Variants in CDH10 observed in about 807,000 individuals in gnomAD.
The protein encoded by CDH10 is cadherin 10.
CDH10 carries 30 observed loss-of-function variants against 73.1 expected under a neutral mutation model. The ratio of observed to expected loss-of-function variants is 0.41; its 90% CI spans 0.31 to 0.56. The LOEUF (loss-of-function observed/expected upper bound fraction) is 0.56, where lower values mean the gene tolerates loss of function less well. CDH10 is among the 20% of genes least tolerant of loss of function. CDH10 has a pLI of 0.27. For missense variants in CDH10, 815 were observed against 973.7 expected (o/e 0.84, Z 2.17); for synonymous variants, 345 against 348.2 (o/e 0.99, Z 0.10).
At chr5:24,494,176 A>T (rs1191650559) in intron 9 of CDH10, among the ~76,000 whole-genome samples, 1 of 151,950 alleles carries the variant, frequency 6.6e-6, no homozygotes, top group African/African-American at 2.4e-5. Context: ...TAGCAACATA[A>T]TTATTTGACT....
chr5:24,607,329 GA>G (rs1325441583), intron 1 of CDH10, among the ~76,000 whole-genome samples: 2 of 152,086 alleles, frequency 1.3e-5, no homozygotes, highest in Non-Finnish European at 2.9e-5. Context: ...CTCTCAAAGG[GA>G]TTTAGACTTA....
intron 5 of CDH10, among the ~76,000 whole-genome samples, chr5:24,521,390 C>G (rs1411617336): frequency 1.3e-5 from 2 of 152,032 alleles, no homozygotes; most frequent in Admixed American, 1.3e-4. Context: ...ACTAAAAATG[C>G]AAAATTAGCC....
At chr5:24,535,459 C>T (rs1418580695) in intron 4 of CDH10, among the ~76,000 whole-genome samples, 180 bp from the exon 5 acceptor site, 1 of 151,994 alleles carries the variant, frequency 6.6e-6, no homozygotes, top group African/African-American at 2.4e-5. Flanking sequence ...TATTGTGTTA[C>T]CCTTTCCTAG....
At chr5:24,534,263 C>T (rs888504931) in intron 5 of CDH10, among the ~76,000 whole-genome samples, 1 of 151,972 alleles carries the variant, frequency 6.6e-6, no homozygotes, top group Non-Finnish European at 1.5e-5. Flanking sequence ...TAATATTCAG[C>T]ATATACTGGA....
At chr5:24,573,131 A>C (rs1579827136) in intron 2 of CDH10, among the ~76,000 whole-genome samples, 1 of 151,910 alleles carries the variant, frequency 6.6e-6, no homozygotes, top group African/African-American at 2.4e-5. Flanking sequence ...GTGCAATAAA[A>C]TAAAAGATAC....
At chr5:24,502,775 G>A (rs1291361492) in intron 8 of CDH10, among the ~76,000 whole-genome samples, 1 of 152,098 alleles carries the variant, frequency 6.6e-6, no homozygotes, top group Admixed American at 6.6e-5. Flanking sequence ...ATTGAATCAA[G>A]CAGAGAGCAC....
intron 1 of CDH10, among the ~76,000 whole-genome samples, chr5:24,630,871 C>T (rs1228226214): frequency 6.7e-6 from 1 of 149,256 alleles, no homozygotes. Context: ...TTTGTAATTG[C>T]AAAAAAAAAT....
At chr5:24,601,420 G>T (rs1042462443) in intron 1 of CDH10, among the ~76,000 whole-genome samples, 2 of 152,110 alleles carry the variant, frequency 1.3e-5, no homozygotes, top group African/African-American at 4.8e-5. Flanking sequence ...GTAATGAATA[G>T]ATGTTACTAT....
rs59514338 is a variant in CDH10 at position 24,529,138 on chromosome 5, C to T, written c.814+5974G>A. Among the ~76,000 whole-genome samples, 320 of 152,002 alleles carry T rather than the reference C, an allele frequency of 2.1e-3. 1 individual carries two copies. The highest frequency in any genetic ancestry group is 7.3e-3 in the African/African-American group (302 of 41,528). On this transcript the variant is annotated intron_variant, in intron 5 of 11. Transcript: ENST00000264463. ...TAATACTATTATTTTTACACTGTTG[C>T]TGTTTTATTTACTTGGGCAAACCAG... is the stretch of plus-strand genomic sequence containing the variant.
intron 2 of CDH10, among the ~76,000 whole-genome samples, chr5:24,540,904 T>C (rs1211580171): frequency 2.0e-5 from 3 of 151,948 alleles, no homozygotes; most frequent in African/African-American, 7.2e-5. Context: ...AGATATTCAC[T>C]GTAATAATGA....
intron 8 of CDH10, among the ~76,000 whole-genome samples, chr5:24,503,175 T>C (rs931933332): frequency 1.3e-5 from 2 of 152,216 alleles, no homozygotes; most frequent in African/African-American, 4.8e-5. Context: ...ATCCAATGCT[T>C]TGCCTTCCAA....
chr5:24,584,860 C>T (rs1745938242), intron 2 of CDH10, among the ~76,000 whole-genome samples: 2 of 150,134 alleles, frequency 1.3e-5, no homozygotes, highest in South Asian at 4.2e-4. Context: ...TTTTTTTTCC[C>T]CCCTGATACA....
At chr5:24,506,051 T>G (rs1307495457) in intron 7 of CDH10, among the ~76,000 whole-genome samples, 1 of 149,320 alleles carries the variant, frequency 6.7e-6, no homozygotes. Context: ...AGGCGGAGGT[T>G]GCAGTGAGCC....
chr5:24,604,195 T>A (rs1746671930), intron 1 of CDH10, among the ~76,000 whole-genome samples: 1 of 151,448 alleles, frequency 6.6e-6, no homozygotes, highest in Admixed American at 6.6e-5. Context: ...CAAAAAAATT[T>A]AAAAATTAGC....
At chr5:24,574,361 T>G (rs1445617141) in intron 2 of CDH10, among the ~76,000 whole-genome samples, 1 of 152,140 alleles carries the variant, frequency 6.6e-6, no homozygotes, top group Non-Finnish European at 1.5e-5. Flanking sequence ...AATGTGTAGT[T>G]GCATTGTCTG....
chr5:24,572,830 T>G (rs1048563870), intron 2 of CDH10, among the ~76,000 whole-genome samples: 2 of 151,724 alleles, frequency 1.3e-5, no homozygotes, highest in African/African-American at 2.4e-5. Context: ...TTCCTCATTC[T>G]TGCCTGTGCC....
chr5:24,570,385 A>G (rs1483256921), intron 2 of CDH10, among the ~76,000 whole-genome samples: 1 of 152,100 alleles, frequency 6.6e-6, no homozygotes, highest in African/African-American at 2.4e-5. Flanking sequence ...AGAGATGCCT[A>G]GTTCCGTTAG....
At chr5:24,642,766 TTC>T (rs1748094044) in intron 1 of CDH10, among the ~76,000 whole-genome samples, 1 of 152,264 alleles carries the variant, frequency 6.6e-6, no homozygotes, top group African/African-American at 2.4e-5. Flanking sequence ...ACAGTTTACC[TTC>T]TTTTTTCCCA....
At chr5:24,567,919 T>G (rs1745221122) in intron 2 of CDH10, among the ~76,000 whole-genome samples, 1 of 152,138 alleles carries the variant, frequency 6.6e-6, no homozygotes, top group Admixed American at 6.5e-5. Flanking sequence ...TCAGCAGTGT[T>G]GATATAAAAA....
Sources: gnomAD v4.1 joint callset for allele counts (sites outside exome capture counted in the v4.1 genomes callset) on GRCh38, gnomAD v4.1.1 for gene constraint, MANE v1.5 for transcripts, NCBI Gene and HGNC (gene_info 2026-07-23, HGNC 2026-07-21) for gene names.